The following PCDHGA8 variants were observed in gnomAD, a reference collection of about 807,000 sequenced individuals.
PCDHGA8 encodes protocadherin gamma-A8.
Under a neutral mutation model 59.2 loss-of-function variants are expected in PCDHGA8, and 45 were observed. That is an observed-to-expected ratio of 0.76 (90% CI 0.60 to 0.98). The LOEUF (loss-of-function observed/expected upper bound fraction) is 0.98, where lower values mean the gene tolerates loss of function less well. PCDHGA8 is among the 50% of genes least tolerant of loss of function. The pLI is 0.00. For missense variants in PCDHGA8, 1,257 were observed against 1,196.2 expected, an observed-to-expected ratio of 1.05 and a Z score of -0.75; for synonymous variants, 531 against 519.0, an observed-to-expected ratio of 1.02 and a Z score of -0.32.
At position 141,476,396 on chromosome 5, in the gene PCDHGA8, C is replaced by A; in HGVS notation, c.2425-18411C>A. The A allele has an allele frequency of 6.2e-7, 1 of 1,614,032 alleles. No homozygotes were observed. Among genetic ancestry groups the A allele is most frequent in the Non-Finnish European group, 8.5e-7 (1 of 1,180,020 alleles). Reference sequence around the variant, plus strand: ...GATGTTTGTGAACGACCGTCTGGATCGAGAGGAGCTGTGTGGGACACTGCC... The same window carrying A: ...GATGTTTGTGAACGACCGTCTGGATAGAGAGGAGCTGTGTGGGACACTGCC... On this transcript the variant is annotated intron_variant, in intron 1 of 3. Transcript: ENST00000398604. The surrounding 1 kb of genome is among the most constrained non-coding windows in gnomAD (Gnocchi z 7.6).
At chr5:141,488,564 G>T (rs1047904416) in intron 1 of PCDHGA8, among the ~76,000 whole-genome samples, 1 of 152,154 alleles carries the variant, frequency 6.6e-6, no homozygotes, top group African/African-American at 2.4e-5. Context: ...TGAGATTTCC[G>T]CAAAGCATTG....
In PCDHGA8 at chr5:141,422,020, G is replaced by T. The variant is rs374562798; in HGVS notation, c.2424+26783G>T. The T allele has an allele frequency of 1.3e-5, 21 of 1,610,932 alleles. No individual in the cohort carries two copies. The East Asian group carries it at 3.8e-4, about 29-fold the overall frequency. On this transcript the variant is annotated intron_variant, in intron 1 of 3. Transcript: ENST00000398604. ...CAGCTCCGGAACTCGGGTGCTGATG[G>T]TTAATGCAACGGATCCAGACGAGGG...
chr5:141,491,826 C>G lies in PCDHGA8; in HGVS notation c.2425-2981C>G. ...GGCTTGGTCGCTGGCTGCGCTCCAC[C>G]CGATTCTCGGGATCATTGGACCGTT... On this transcript the variant is annotated intron_variant, in intron 1 of 3. Coordinates refer to ENST00000398604, the MANE Select transcript of PCDHGA8 (RefSeq NM_032088.2). The surrounding 1 kb of genome is among the most constrained non-coding windows in gnomAD (Gnocchi z 6.9). 1 of 1,477,526 alleles carries G rather than the reference C, an allele frequency of 6.8e-7. No individual in the cohort carries two copies. The highest frequency in any genetic ancestry group is 9.0e-7 in the Non-Finnish European group (1 of 1,114,486). 91.5% of individuals were successfully genotyped at this position (1,477,526 alleles called of 1,614,324 possible). A position where few individuals can be genotyped will look rare whatever the true frequency, so the allele number is the denominator to read the frequency against.
In PCDHGA8 at chr5:141,491,250, C is replaced by T. The variant is rs1328621598; in HGVS notation, c.2425-3557C>T. The T allele has an allele frequency of 6.2e-7, 1 of 1,614,148 alleles. No individual in the cohort carries two copies. Among genetic ancestry groups the T allele is most frequent in the South Asian group, 1.1e-5 (1 of 91,092 alleles). ...TGCTGCTGGTTCTGGAGGATGAGGA[C>T]CCTGAGGAAATGCCCAAATCCAGTG... On this transcript the variant is annotated intron_variant, in intron 1 of 3. Transcript: ENST00000398604. The surrounding 1 kb of genome is among the most constrained non-coding windows in gnomAD (Gnocchi z 6.9).
chr5:141,408,362 C>T (rs773344794), intron 1 of PCDHGA8: 36 of 1,613,850 alleles, frequency 2.2e-5, no homozygotes, highest in Non-Finnish European at 3.1e-5. Flanking sequence ...CGCTAAGGAT[C>T]TAGGGCTCAG....
At chr5:141,435,421 C>T (rs1384040447) in intron 1 of PCDHGA8, among the ~76,000 whole-genome samples, 2 of 152,096 alleles carry the variant, frequency 1.3e-5, no homozygotes, top group Non-Finnish European at 2.9e-5. Context: ...CTATTTTTCA[C>T]TTCTGTTATG....
rs887814386 is a variant in PCDHGA8, at chr5:141,431,347, G to A, written c.2424+36110G>A. The A allele has an allele frequency of 1.9e-6, 3 of 1,614,098 alleles. No individual in the cohort carries two copies. The highest frequency in any genetic ancestry group is 2.5e-6 in the Non-Finnish European group (3 of 1,180,036). On this transcript the variant is annotated intron_variant, in intron 1 of 3. Coordinates refer to ENST00000398604, the MANE Select transcript of PCDHGA8 (RefSeq NM_032088.2). This position sits in a 1 kb window ranked among gnomAD's most constrained non-coding sequence, Gnocchi z 4.8. ...GTAGTAAGTACCCCGAATTGGTGCT[G>A]AAACGCGCCCTGGACCGCGAAGAAA...
At chr5:141,459,714 T>C (rs1240430980) in intron 1 of PCDHGA8, among the ~76,000 whole-genome samples, 4 of 152,244 alleles carry the variant, frequency 2.6e-5, no homozygotes, top group Admixed American at 6.5e-5. Flanking sequence ...TTCTCACCAA[T>C]GCTTCCTATT....
rs775331499 is a variant in PCDHGA8 at position 141,422,779 on chromosome 5, C to T, written c.2424+27542C>T. The T allele has an allele frequency of 8.7e-6, 14 of 1,614,070 alleles. No homozygotes were observed. In the East Asian group the frequency reaches 2.9e-4, roughly 33 times the overall value. ...CTCCAACACTGGTGTTCTCTATGCC[C>T]TACAATCCTTCGACTATGAGCAGTT... On this transcript the variant is annotated intron_variant, in intron 1 of 3. Transcript: ENST00000398604.
chr5:141,484,591 T>C (rs2099597977), intron 1 of PCDHGA8, among the ~76,000 whole-genome samples: 1 of 152,020 alleles, frequency 6.6e-6, no homozygotes, highest in African/African-American at 2.4e-5. Flanking sequence ...AAGCTACTCA[T>C]TTAGAATACT....
Position 141,394,482 on chromosome 5 carries a change from G to A in PCDHGA8, c.1669G>A (p.Asp557Asn). 6.2e-7 allele frequency: 1 copy of A among 1,614,240 alleles called. No homozygotes were observed. Among genetic ancestry groups the A allele is most frequent in the Non-Finnish European group, 8.5e-7 (1 of 1,180,038 alleles). Residue 557 changes from aspartate (D) to asparagine (N), a missense_variant, in exon 1 of 4, where the codon GAC (aspartate) becomes AAC (asparagine). Transcript: ENST00000398604. ...GAGCCTGTTCGTGCTGGACCAGAATGACAACGCGCCCGAGATCCTGTACCC... is the reference window on the plus strand; with the variant it reads ...GAGCCTGTTCGTGCTGGACCAGAATAACAACGCGCCCGAGATCCTGTACCC... ...SLSLFVLDQN[D>N]NAPEILYPAL...
intron 1 of PCDHGA8, chr5:141,413,192 A>G: frequency 1.2e-6 from 2 of 1,607,816 alleles, no homozygotes; most frequent in South Asian, 2.2e-5. Context: ...GCTCAAAGGA[A>G]TCGCTCAAAG....
chr5:141,399,519 G>A (rs1467117930), intron 1 of PCDHGA8: 2 of 1,614,036 alleles, frequency 1.2e-6, no homozygotes, highest in Non-Finnish European at 1.7e-6. Context: ...ACCCTCCTGG[G>A]GCCTCCATCG....
intron 1 of PCDHGA8, among the ~76,000 whole-genome samples, chr5:141,468,186 A>G (rs2099159540): frequency 6.6e-6 from 1 of 151,848 alleles, no homozygotes; most frequent in African/African-American, 2.4e-5. Context: ...TTTGCTGGGC[A>G]TGGTGGCGGG....
Position 141,477,337 on chromosome 5 carries a change from C to T in PCDHGA8, c.2425-17470C>T. ...TTACTTCTTCCCTCAAGAATTACTT[C>T]ACTTTGAAAACCAGTGCAGACCTGG... On this transcript the variant is annotated intron_variant, in intron 1 of 3. Transcript: ENST00000398604. The surrounding 1 kb of genome is among the most constrained non-coding windows in gnomAD (Gnocchi z 4.9). The T allele has an allele frequency of 1.2e-6, 2 of 1,614,166 alleles. No individual in the cohort carries two copies. Among genetic ancestry groups the T allele is most frequent in the Non-Finnish European group, 1.7e-6 (2 of 1,180,028 alleles).
chr5:141,427,742 C>T, intron 1 of PCDHGA8: 2 of 1,247,208 alleles, frequency 1.6e-6, no homozygotes, highest in Non-Finnish European at 2.3e-6. Context: ...GCCAAGTCTC[C>T]TACTCCATCG....
At chr5:141,422,936 C>A (rs1428873210) in intron 1 of PCDHGA8, 2 of 1,614,260 alleles carry the variant, frequency 1.2e-6, no homozygotes, top group East Asian at 4.5e-5. Flanking sequence ...GCCCTCCCCA[C>A]AGACGGCTCC....
At chr5:141,410,430 A>G in intron 1 of PCDHGA8, 1 of 1,613,976 alleles carries the variant, frequency 6.2e-7, no homozygotes, top group Middle Eastern at 1.6e-4. Context: ...CCCCCCAACT[A>G]CAGTGAGGGG....
rs552017054 is a variant in PCDHGA8 at position 141,425,594 on chromosome 5, A to G, written c.2424+30357A>G. On this transcript the variant is annotated intron_variant, in intron 1 of 3. Transcript: ENST00000398604. ...GGGTTTGGCTAACTTTATTCTGAAT[A>G]TGCCCTATATAGCTTTCAGTGCTCC... 2.6e-5 allele frequency among the ~76,000 whole-genome samples: 4 copies of G among 152,370 alleles called. No homozygotes were observed. In the South Asian group the frequency reaches 8.3e-4, roughly 32 times the overall value.
Sources: gnomAD v4.1 joint callset for allele counts (sites outside exome capture counted in the v4.1 genomes callset) on GRCh38, gnomAD v4.1.1 for gene constraint, Gnocchi (gnomAD v3.1) non-coding constraint, MANE v1.5 for transcripts, NCBI Gene and HGNC (gene_info 2026-07-23, HGNC 2026-07-21) for gene names.